The following SOD2 variants were observed in gnomAD, a reference collection of about 807,000 sequenced individuals.
SOD2 encodes the protein superoxide dismutase [Mn], mitochondrial.
SOD2 carries 11 observed loss-of-function variants against 27.0 expected under a neutral mutation model. The ratio of observed to expected loss-of-function variants is 0.41; its 90% CI spans 0.26 to 0.67. SOD2 has a LOEUF of 0.67. SOD2 is among the 30% of genes least tolerant of loss of function. The probability of loss-of-function intolerance (pLI) is 0.34; values close to 1 mark genes in which losing one functional copy is unlikely to be tolerated. For synonymous variants in SOD2, 105 were observed against 103.0 expected (o/e 1.02, Z -0.12); for missense variants, 250 against 274.5 (o/e 0.91, Z 0.63).
rs556242085 is a variant in SOD2 at position 159,713,646 on chromosome 6, C to A, written c.-116+13483G>T. On this transcript the variant is annotated intron_variant, in intron 1 of 2. Transcript: ENST00000401980. ...CTTCCTTGGACAGCCAAATGGAAGT[C>A]CTCTAAGCCAGACGAAGCCATCGTT... 8.2e-4 allele frequency: 829 copies of A among 1,014,548 alleles called. 11 individuals are homozygous for A. In the South Asian group the frequency reaches 0.011, roughly 13 times the overall value. 62.8% of individuals were successfully genotyped at this position (1,014,548 alleles called of 1,614,324 possible).
intron 1 of SOD2, among the ~76,000 whole-genome samples, chr6:159,708,093 A>G (rs1031104370): frequency 2.6e-5 from 4 of 152,228 alleles, no homozygotes; most frequent in East Asian, 1.9e-4. Context: ...AACTCTCAAT[A>G]AATTAGGTAT....
intron 1 of SOD2, chr6:159,726,918 C>G (rs1778198133): frequency 7.8e-7 from 1 of 1,288,768 alleles, no homozygotes; most frequent in Non-Finnish European, 1.0e-6. Context: ...TGAGGTGGCA[C>G]CTGGTCCTCC....
At chr6:159,757,941 A>G (rs971529774) in intron 1 of SOD2, among the ~76,000 whole-genome samples, 19 of 152,214 alleles carry the variant, frequency 1.2e-4, no homozygotes, top group African/African-American at 4.3e-4. Flanking sequence ...CAGTGATACA[A>G]TTTTATGACT....
chr6:159,728,149 C>T (rs932154275), upstream of SOD2, among the ~76,000 whole-genome samples: 2 of 152,234 alleles, frequency 1.3e-5, no homozygotes, highest in East Asian at 1.9e-4. Flanking sequence ...GATGTTACTA[C>T]GTTCTCTTGT....
chr6:159,726,229 T>A (rs185912471), intron 1 of SOD2: 1 of 152,476 alleles, frequency 6.6e-6, no homozygotes, highest in Non-Finnish European at 1.5e-5. Flanking sequence ...GGAGCGACTT[T>A]CTATGTTTAA....
intron 1 of SOD2, among the ~76,000 whole-genome samples, chr6:159,724,686 C>T (rs763771210): frequency 2.6e-5 from 4 of 151,740 alleles, no homozygotes; most frequent in Non-Finnish European, 4.4e-5. Flanking sequence ...CAGCTCTCTA[C>T]TGAAAATAGA....
Position 159,709,121 on chromosome 6 carries a change from T to C in SOD2, c.-115-16258A>G, listed in dbSNP as rs904860630. On this transcript the variant is annotated intron_variant, in intron 1 of 2. Transcript: ENST00000401980. ...ACCTTATACAAAAATTAATTCAAGA[T>C]GGATTAAAGACTTAAATGTTAGACC... Among the ~76,000 whole-genome samples the C allele has an allele frequency of 1.3e-5, 2 of 152,128 alleles. 1 individual carries two copies. Among genetic ancestry groups the C allele is most frequent in the Non-Finnish European group, 2.9e-5 (2 of 68,022 alleles).
chr6:159,712,778 T>C (rs1777852333), intron 1 of SOD2: 4 of 501,760 alleles, frequency 8.0e-6, no homozygotes, highest in South Asian at 6.6e-5. Flanking sequence ...ACCACTCAGC[T>C]GCATAACTAG....
upstream of SOD2, among the ~76,000 whole-genome samples, chr6:159,695,238 G>A (rs923503212): frequency 6.6e-6 from 1 of 152,138 alleles, no homozygotes; most frequent in Admixed American, 6.5e-5. Context: ...CTATTGGGAG[G>A]CTGAGCTCAG....
upstream of SOD2, chr6:159,748,234 C>A (rs1485278280): frequency 6.2e-7 from 1 of 1,613,848 alleles, no homozygotes. This position sits in a 1 kb window ranked among gnomAD's most constrained non-coding sequence, Gnocchi z 5.6. Flanking sequence ...CCGAGCGTTG[C>A]CCAACTGAGA....
upstream of SOD2, among the ~76,000 whole-genome samples, chr6:159,693,874 G>C (rs5746087): frequency 5.2e-3 from 792 of 152,336 alleles, 5 homozygotes; most frequent in African/African-American, 0.017. Context: ...ACCTATTCCA[G>C]GACAGGAGGC....
rs560675858 is a variant in SOD2, at chr6:159,717,177, G to A, written c.-116+9952C>T. 6.6e-5 allele frequency among the ~76,000 whole-genome samples: 10 copies of A among 152,210 alleles called. No individual in the cohort carries two copies. In the South Asian group the frequency reaches 2.1e-3, roughly 32 times the overall value. ...CCTGTTTCCGAGAATAATTGACTCTGAGCTACCCATACCTCTGTTACCTCT... is the reference window on the plus strand; with the variant it reads ...CCTGTTTCCGAGAATAATTGACTCTAAGCTACCCATACCTCTGTTACCTCT... On this transcript the variant is annotated intron_variant, in intron 1 of 2. Transcript: ENST00000401980.
intron 1 of SOD2, among the ~76,000 whole-genome samples, chr6:159,756,922 A>G (rs1208737356): frequency 6.6e-6 from 1 of 152,130 alleles, no homozygotes; most frequent in Non-Finnish European, 1.5e-5. Flanking sequence ...GTTTTAATTG[A>G]AAAGCAGCGT....
chr6:159,693,831 G>C (rs375290836), upstream of SOD2, among the ~76,000 whole-genome samples: 22 of 152,180 alleles, frequency 1.4e-4, no homozygotes, highest in African/African-American at 5.1e-4. Flanking sequence ...CTCTTGCGCC[G>C]TACCCTTGCT....
chr6:159,689,239 T>C (rs535789489), intron 2 of SOD2, among the ~76,000 whole-genome samples: 31 of 152,318 alleles, frequency 2.0e-4, no homozygotes, highest in African/African-American at 7.5e-4. Context: ...CTGAACACTC[T>C]TCCCCAAGAC....
At chr6:159,731,315 C>A (rs903926629), upstream of SOD2, among the ~76,000 whole-genome samples, 7 of 149,404 alleles carry the variant, frequency 4.7e-5, no homozygotes, top group Non-Finnish European at 1.0e-4. Context: ...AAAAAAAAAA[C>A]AAATTAGCTG....
intron 1 of SOD2, among the ~76,000 whole-genome samples, chr6:159,737,208 C>T (rs1778974704): frequency 6.6e-6 from 1 of 152,064 alleles, no homozygotes; most frequent in African/African-American, 2.4e-5. Context: ...GCCACCACGC[C>T]CAGCTAATTT....
At chr6:159,699,138 A>C (rs1446144585) in intron 1 of SOD2, among the ~76,000 whole-genome samples, 1 of 152,186 alleles carries the variant, frequency 6.6e-6, no homozygotes, top group Non-Finnish European at 1.5e-5. Flanking sequence ...CCAAGATTTG[A>C]AACTTTCTTC....
intron 1 of SOD2, among the ~76,000 whole-genome samples, chr6:159,706,385 G>A (rs189116692): frequency 6.6e-6 from 1 of 152,146 alleles, no homozygotes; most frequent in Non-Finnish European, 1.5e-5. Context: ...CTCACATGCA[G>A]AGACACACAT....
Sources: allele counts gnomAD v4.1 joint callset (sites outside exome capture counted in the v4.1 genomes callset), GRCh38; gene constraint gnomAD v4.1.1; non-coding constraint Gnocchi (gnomAD v3.1); transcripts MANE v1.5; gene names NCBI Gene and HGNC (gene_info 2026-07-23, HGNC 2026-07-21).